PLEKHO2: variants seen among roughly 807,000 people sequenced by gnomAD.
PLEKHO2 encodes pleckstrin homology domain containing O2.
PLEKHO2 carries 20 observed loss-of-function variants against 32.7 expected under a neutral mutation model. The ratio of observed to expected loss-of-function variants is 0.61; its 90% CI spans 0.43 to 0.89. The LOEUF (loss-of-function observed/expected upper bound fraction) is 0.89. Ranked by LOEUF, PLEKHO2 falls within the 40% of genes least tolerant of loss-of-function variation. PLEKHO2 has a pLI of 0.00. For synonymous variants in PLEKHO2, 247 were observed against 246.3 expected (o/e 1.00, Z -0.03); for missense variants, 568 against 621.2 (o/e 0.91, Z 0.91).
intron 1 of PLEKHO2, among the ~76,000 whole-genome samples, chr15:64,846,340 C>T (rs901500793): frequency 6.6e-6 from 1 of 151,598 alleles, no homozygotes; most frequent in Non-Finnish European, 1.5e-5. Context: ...GGAGACAGGG[C>T]CTCATCCTGT....
chr15:64,849,595 T>C (rs1397457696), intron 2 of PLEKHO2, among the ~76,000 whole-genome samples: 1 of 151,448 alleles, frequency 6.6e-6, no homozygotes. Context: ...ATGCGTCAGC[T>C]ACCACACCCG....
Position 64,865,910 on chromosome 15 carries a change from C to A in PLEKHO2, c.*22C>A. ...CTAGGGCCTTCTGGGCCAGAGGCAC[C>A]ATCCCTTCTGGCCATCCATCAAGTC... On this transcript the variant is annotated 3_prime_UTR_variant, in exon 6 of 6. Transcript: ENST00000323544. 1 of 1,584,380 alleles carries A rather than the reference C, an allele frequency of 6.3e-7. No individual in the cohort carries two copies.
chr15:64,863,900 C>T (rs1567098605), intron 5 of PLEKHO2, among the ~76,000 whole-genome samples: 1 of 152,102 alleles, frequency 6.6e-6, no homozygotes, highest in Non-Finnish European at 1.5e-5. Flanking sequence ...TGTGCCACCA[C>T]ACCTGGCTAA....
rs1293210933 is a variant in PLEKHO2 at position 64,866,293 on chromosome 15, C to T, written c.*405C>T. ...GACTTCTGAATACAGCACAGCTGAG[C>T]CCCCTGCAGCTCCCATCTCCAGCTA... On this transcript the variant is annotated 3_prime_UTR_variant, in exon 6 of 6. Coordinates refer to ENST00000323544, the MANE Select transcript of PLEKHO2 (RefSeq NM_025201.5). 1 of 462,150 alleles carries T rather than the reference C, an allele frequency of 2.2e-6. No individual in the cohort carries two copies. The highest frequency in any genetic ancestry group is 4.3e-6 in the Non-Finnish European group (1 of 231,268). The allele number at this position is 462,150 out of a possible 1,614,324, so 28.6% of individuals were successfully genotyped here.
chr15:64,846,776 G>T (rs1444094656), intron 1 of PLEKHO2, among the ~76,000 whole-genome samples: 3 of 152,200 alleles, frequency 2.0e-5, no homozygotes, highest in African/African-American at 7.2e-5. Context: ...TTGGGAACTG[G>T]GCCCAGGGAG....
intron 2 of PLEKHO2, among the ~76,000 whole-genome samples, chr15:64,852,246 G>A (rs28603258): frequency 0.14 from 20,737 of 152,050 alleles, 3,452 homozygotes; most frequent in African/African-American, 0.39. Flanking sequence ...ATGGTTGGGG[G>A]CAGGGGAGTT....
intron 2 of PLEKHO2, among the ~76,000 whole-genome samples, chr15:64,853,311 C>G (rs2140341167): frequency 7.0e-6 from 1 of 143,214 alleles, no homozygotes; most frequent in Non-Finnish European, 1.5e-5. Context: ...GAGTCTCGCT[C>G]TGTTGCCCAG....
chr15:64,859,553 G>A (rs1219543964), intron 3 of PLEKHO2, among the ~76,000 whole-genome samples: 1 of 152,226 alleles, frequency 6.6e-6, no homozygotes, highest in Non-Finnish European at 1.5e-5. Flanking sequence ...GTGGTGTGGG[G>A]TGGGTTTGAA....
chr15:64,863,519 TTGTGTGTGTGTGTGTG>T (rs147780306), intron 5 of PLEKHO2, among the ~76,000 whole-genome samples: 2 of 145,068 alleles, frequency 1.4e-5, no homozygotes, highest in Non-Finnish European at 3.1e-5. Flanking sequence ...GTGTGTGTGT[TTGTGTGTGTGTGTGTG>T]TGTGTGTGTG....
chr15:64,842,621 C>T (rs1037153212), intron 1 of PLEKHO2, among the ~76,000 whole-genome samples: 1 of 151,844 alleles, frequency 6.6e-6, no homozygotes, highest in Admixed American at 6.6e-5. Flanking sequence ...TTTTCCCCCA[C>T]TCTCTCCCCG....
At chr15:64,859,614 C>G (rs2084629348) in intron 3 of PLEKHO2, among the ~76,000 whole-genome samples, 1 of 152,208 alleles carries the variant, frequency 6.6e-6, no homozygotes, top group Non-Finnish European at 1.5e-5. Flanking sequence ...GCCCAGAGCC[C>G]AGGCAGCTGG....
At chr15:64,842,448 G>A (rs1266616266) in intron 1 of PLEKHO2, among the ~76,000 whole-genome samples, 1 of 151,094 alleles carries the variant, frequency 6.6e-6, no homozygotes, top group African/African-American at 2.4e-5. Context: ...GTGTGTGTGT[G>A]TATGTGTGTG....
At chr15:64,860,109 C>T (rs2084632167) in intron 4 of PLEKHO2, 111 bp downstream of exon 4, 2 of 881,476 alleles carry the variant, frequency 2.3e-6, no homozygotes, top group Non-Finnish European at 3.7e-6. Context: ...GATTATGTCA[C>T]TGCTATGGGG....
At chr15:64,864,760 A>G in intron 5 of PLEKHO2, 139 bp from the exon 6 acceptor site, 1 of 788,794 alleles carries the variant, frequency 1.3e-6, no homozygotes, top group Non-Finnish European at 2.0e-6. Flanking sequence ...GTAGCCACAG[A>G]AGCCAGGACA....
chr15:64,866,065 GCCAGTGGTGCCAGGTGC>G lies in PLEKHO2; in HGVS notation c.*179_*195del. The G allele has an allele frequency of 1.2e-6, 1 of 842,046 alleles. No homozygotes were observed. Among genetic ancestry groups the G allele is most frequent in the Non-Finnish European group, 1.8e-6 (1 of 558,592 alleles). 52.2% of individuals were successfully genotyped at this position (842,046 alleles called of 1,614,324 possible). ...CTGGCGTCCTTCCTACTCTGCTCTG[GCCAGTGGTGCCAGGTGC>G]CACCCAGGGCTACTGCCTGGCTATC... On this transcript the variant is annotated 3_prime_UTR_variant, in exon 6 of 6. Transcript: ENST00000323544.
At chr15:64,863,451 G>A (rs2084657048) in intron 5 of PLEKHO2, among the ~76,000 whole-genome samples, 1 of 152,168 alleles carries the variant, frequency 6.6e-6, no homozygotes, top group South Asian at 2.1e-4. Context: ...CGGATGTAGG[G>A]AGGGCCAGCC....
At chr15:64,862,472 A>G (rs2084648389) in intron 5 of PLEKHO2, among the ~76,000 whole-genome samples, 1 of 151,234 alleles carries the variant, frequency 6.6e-6, no homozygotes, top group African/African-American at 2.4e-5. Flanking sequence ...GGCACAGGGA[A>G]TTTGGAGAGG....
chr15:64,842,141 C>A (rs571429978), intron 1 of PLEKHO2, 113 bp downstream of exon 1: 2 of 1,029,608 alleles, frequency 1.9e-6, no homozygotes, highest in Admixed American at 4.3e-5. Context: ...CCAGTCTCAC[C>A]TCAGGAAGAG....
At chr15:64,849,279 C>T (rs1457281558) in intron 2 of PLEKHO2, among the ~76,000 whole-genome samples, 1 of 152,020 alleles carries the variant, frequency 6.6e-6, no homozygotes, top group East Asian at 1.9e-4. Context: ...TCTGGAGTAG[C>T]TGGGATTACA....
Sources: gnomAD v4.1 joint callset for allele counts (sites outside exome capture counted in the v4.1 genomes callset) on GRCh38, gnomAD v4.1.1 for gene constraint, MANE v1.5 for transcripts, NCBI Gene and HGNC (gene_info 2026-07-23, HGNC 2026-07-21) for gene names.